CCDC171: variants seen among roughly 807,000 people sequenced by gnomAD.
CCDC171 encodes coiled-coil domain containing 171, also known as coiled-coil domain-containing protein 171.
Under a neutral mutation model 168.2 loss-of-function variants are expected in CCDC171, and 177 were observed. That is an observed-to-expected ratio of 1.05 (90% confidence interval 0.93 to 1.19). The LOEUF (loss-of-function observed/expected upper bound fraction) is 1.19. Ranked by LOEUF, CCDC171 falls within the 50% of genes most tolerant of loss-of-function variation. The pLI is 0.00. For synonymous variants in CCDC171, 687 were observed against 540.8 expected (o/e 1.27, Z -3.75); for missense variants, 1,991 against 1,539.0 (o/e 1.29, Z -4.91).
downstream of CCDC171, among the ~76,000 whole-genome samples, chr9:15,976,744 T>C (rs533818977): frequency 1.8e-3 from 274 of 152,024 alleles, 1 homozygote; most frequent in African/African-American, 6.5e-3. Context: ...CCTTTTGTTA[T>C]AATTGAAGTG....
At chr9:15,658,785 C>G (rs140975177) in intron 8 of CCDC171, among the ~76,000 whole-genome samples, 1 of 152,136 alleles carries the variant, frequency 6.6e-6, no homozygotes, top group Non-Finnish European at 1.5e-5. Context: ...GGAATGGAGT[C>G]TTGCTGACAC....
chr9:16,023,291 A>G (rs1473470869), intron 6 of CCDC171, among the ~76,000 whole-genome samples: 1 of 152,176 alleles, frequency 6.6e-6, no homozygotes. Flanking sequence ...TGTTTCTGAA[A>G]TTTATCTGAC....
chr9:16,015,801 C>T (rs186627933), intron 3 of CCDC171, among the ~76,000 whole-genome samples: 56 of 152,280 alleles, frequency 3.7e-4, no homozygotes, highest in Non-Finnish European at 6.3e-4. Flanking sequence ...CTCTTACAAC[C>T]ACGATTCTAC....
At chr9:15,902,784 CAAAG>C (rs1437841906) in intron 24 of CCDC171, among the ~76,000 whole-genome samples, 1 of 152,172 alleles carries the variant, frequency 6.6e-6, no homozygotes, top group Non-Finnish European at 1.5e-5. Context: ...CTTTCCTAGT[CAAAG>C]AAAGGGGTGA....
chr9:16,043,962 G>T (rs1277219741), intron 1 of CCDC171, among the ~76,000 whole-genome samples: 1 of 152,216 alleles, frequency 6.6e-6, no homozygotes. Flanking sequence ...ACCTAGCCAA[G>T]GAGAGAGAGC....
chr9:16,007,873 C>T (rs957545039), intron 3 of CCDC171, among the ~76,000 whole-genome samples: 2 of 152,154 alleles, frequency 1.3e-5, no homozygotes, highest in African/African-American at 4.8e-5. Flanking sequence ...CGTGATGCCT[C>T]CAGCTTTGTT....
At chr9:15,878,810 G>T in intron 24 of CCDC171, among the ~76,000 whole-genome samples, 1 of 152,090 alleles carries the variant, frequency 6.6e-6, no homozygotes, top group East Asian at 1.9e-4. Flanking sequence ...AAAAGAACGA[G>T]ATCATGTTTT....
At chr9:15,722,595 CAG>C (rs761932265) in intron 12 of CCDC171, among the ~76,000 whole-genome samples, 33 of 152,138 alleles carry the variant, frequency 2.2e-4, no homozygotes, top group Non-Finnish European at 4.6e-4. Context: ...AAGCAACAAA[CAG>C]ATTGTTAGAG....
At chr9:16,069,275 G>A in the CCDC171 span, among the ~76,000 whole-genome samples, 2 of 152,264 alleles carry the variant, frequency 1.3e-5, no homozygotes, top group East Asian at 3.8e-4. Flanking sequence ...ATATGTGTGT[G>A]TGTTACCATT....
intron 7 of CCDC171, among the ~76,000 whole-genome samples, chr9:15,644,622 T>G (rs974506777): frequency 6.6e-6 from 1 of 152,204 alleles, no homozygotes. Flanking sequence ...GAGAGTCCCA[T>G]GCCCACGGAG....
At chr9:15,636,529 A>G (rs1340129193) in intron 7 of CCDC171, among the ~76,000 whole-genome samples, 1 of 152,008 alleles carries the variant, frequency 6.6e-6, no homozygotes, top group Admixed American at 6.6e-5. Flanking sequence ...TGGGCAGATC[A>G]CTTGAGACCA....
intron 3 of CCDC171, among the ~76,000 whole-genome samples, chr9:16,019,773 A>G (rs1185499073): frequency 6.6e-6 from 1 of 152,228 alleles, no homozygotes; most frequent in Non-Finnish European, 1.5e-5. Context: ...GAATCAGGTC[A>G]TTAATCATTA....
At chr9:15,689,403 C>G (rs2050629992) in intron 10 of CCDC171, among the ~76,000 whole-genome samples, 1 of 152,052 alleles carries the variant, frequency 6.6e-6, no homozygotes, top group Admixed American at 6.6e-5. Flanking sequence ...CAAGCAGATC[C>G]TAAAACACAT....
intron 21 of CCDC171, among the ~76,000 whole-genome samples, chr9:15,810,148 T>A (rs1433158705): frequency 6.6e-6 from 1 of 150,976 alleles, no homozygotes; most frequent in Non-Finnish European, 1.5e-5. Flanking sequence ...ATTGGTGCAT[T>A]TACAATCCTC....
At chr9:15,903,208 G>A (rs922601575) in intron 24 of CCDC171, among the ~76,000 whole-genome samples, 1 of 152,208 alleles carries the variant, frequency 6.6e-6, no homozygotes, top group Non-Finnish European at 1.5e-5. Context: ...CGGAGTTTGA[G>A]ATCTGAGAAC....
chr9:15,970,728 A>G (rs1831267985), intron 25 of CCDC171, among the ~76,000 whole-genome samples: 1 of 152,134 alleles, frequency 6.6e-6, no homozygotes, highest in Admixed American at 6.5e-5. Flanking sequence ...AGTGTTCTCA[A>G]ATATATGACA....
chr9:15,639,352 A>C (rs1178648671), intron 7 of CCDC171, among the ~76,000 whole-genome samples: 1 of 152,096 alleles, frequency 6.6e-6, no homozygotes, highest in East Asian at 1.9e-4. Flanking sequence ...AACTTCAGTT[A>C]AAAATTTGGT....
intron 4 of CCDC171, among the ~76,000 whole-genome samples, chr9:15,590,833 C>CTTTCTTTCT (rs1554693022): frequency 2.1e-4 from 19 of 88,636 alleles, no homozygotes; most frequent in South Asian, 3.2e-4. Flanking sequence ...TTCTTTCTTT[C>CTTTCTTTCT]TTCTTCTTTC....
chr9:15,641,012 A>T (rs932189461), intron 7 of CCDC171, among the ~76,000 whole-genome samples: 12 of 152,142 alleles, frequency 7.9e-5, no homozygotes, highest in Non-Finnish European at 1.8e-4. Context: ...TAACAAAATA[A>T]AATACACTTA....
Sources: allele counts gnomAD v4.1 joint callset (sites outside exome capture counted in the v4.1 genomes callset), GRCh38; gene constraint gnomAD v4.1.1; transcripts MANE v1.5; gene names NCBI Gene and HGNC (gene_info 2026-07-23, HGNC 2026-07-21).